Variants in ZFAT observed in about 807,000 individuals in gnomAD.
ZFAT encodes zinc finger and AT-hook domain containing.
A neutral mutation model predicts 117.7 loss-of-function variants in ZFAT; 64 were observed. The observed-to-expected ratio is 0.54, with a 90% CI of 0.44 to 0.67. The LOEUF (loss-of-function observed/expected upper bound fraction) is 0.67, where lower values mean the gene tolerates loss of function less well. Among genes scored for constraint, ZFAT ranks in the 30% least tolerant of loss-of-function variants. ZFAT has a pLI of 0.00. For synonymous variants in ZFAT, 679 were observed against 615.0 expected (o/e 1.10, Z -1.54); for missense variants, 1,433 against 1,584.5 (o/e 0.90, Z 1.62).
chr8:134,632,303 G>A (rs963335527), intron 3 of ZFAT, among the ~76,000 whole-genome samples: 11 of 152,112 alleles, frequency 7.2e-5, no homozygotes, highest in African/African-American at 2.4e-4. Context: ...TTATTATAAG[G>A]AAATAGTATA....
chr8:134,767,932 C>T, the ZFAT span, among the ~76,000 whole-genome samples: 3 of 152,156 alleles, frequency 2.0e-5, no homozygotes, highest in Non-Finnish European at 4.4e-5. Context: ...TTATTCTTCT[C>T]TCCTTCCTCT....
chr8:134,752,770 G>GGCATGCATGTGAGCCA, the ZFAT span, among the ~76,000 whole-genome samples: 204 of 152,146 alleles, frequency 1.3e-3, 1 homozygote, highest in African/African-American at 4.6e-3. Flanking sequence ...AGAGAGGGAG[G>GGCATGCATGTGAGCCA]GCATGCATGT....
intron 3 of ZFAT, among the ~76,000 whole-genome samples, chr8:134,623,752 C>T (rs1346835616): frequency 1.3e-5 from 2 of 151,982 alleles, no homozygotes; most frequent in African/African-American, 2.4e-5. Flanking sequence ...AAGGGTAGTA[C>T]TCCCCTCCTC....
chr8:134,703,239 C>A (rs1834062041), intron 1 of ZFAT, among the ~76,000 whole-genome samples: 1 of 152,168 alleles, frequency 6.6e-6, no homozygotes, highest in Non-Finnish European at 1.5e-5. Context: ...TTTGCATTTT[C>A]CTAGGAACTA....
At chr8:134,531,999 A>T (rs1468639223) in intron 12 of ZFAT, among the ~76,000 whole-genome samples, 1 of 152,268 alleles carries the variant, frequency 6.6e-6, no homozygotes, top group Non-Finnish European at 1.5e-5. Context: ...CTTAGGAAAG[A>T]AGAGCAGCTA....
At chr8:134,691,213 C>A (rs1471928063) in intron 1 of ZFAT, among the ~76,000 whole-genome samples, 1 of 152,286 alleles carries the variant, frequency 6.6e-6, no homozygotes, top group Non-Finnish European at 1.5e-5. Flanking sequence ...GCTAGTACAG[C>A]CTCAGGGTGA....
At chr8:134,713,822 C>T (rs1443567290), upstream of ZFAT, among the ~76,000 whole-genome samples, 1 of 151,978 alleles carries the variant, frequency 6.6e-6, no homozygotes, top group African/African-American at 2.4e-5. Context: ...TCTAAAGTAA[C>T]CCTCCAAGAC....
chr8:134,642,864 G>A (rs17699449), intron 2 of ZFAT, among the ~76,000 whole-genome samples: 10,551 of 152,254 alleles, frequency 0.069, 537 homozygotes, highest in Non-Finnish European at 0.1. Context: ...AAGCAATAGG[G>A]GAGACAATGA....
At chr8:134,707,495 A>G (rs1374811644) in intron 1 of ZFAT, among the ~76,000 whole-genome samples, 1 of 152,220 alleles carries the variant, frequency 6.6e-6, no homozygotes, top group East Asian at 1.9e-4. Context: ...CTCCTGAAGA[A>G]GAGGCCCACC....
chr8:134,524,049 A>T (rs1042477954), intron 12 of ZFAT, among the ~76,000 whole-genome samples: 7 of 152,172 alleles, frequency 4.6e-5, no homozygotes, highest in Non-Finnish European at 1.0e-4. Context: ...CCCGGCATCT[A>T]GCTTCTCCTC....
intron 1 of ZFAT, among the ~76,000 whole-genome samples, chr8:134,693,579 C>A (rs1833685444): frequency 6.7e-6 from 1 of 150,294 alleles, no homozygotes; most frequent in African/African-American, 2.5e-5. Flanking sequence ...ACATTGTATA[C>A]CTTACTTACA....
chr8:134,673,534 T>G (rs141525480), intron 1 of ZFAT: 11 of 200,816 alleles, frequency 5.5e-5, no homozygotes, highest in African/African-American at 2.3e-4. Flanking sequence ...TCTTGTACTT[T>G]TCTTTCTTGC....
chr8:134,565,062 G>A, intron 11 of ZFAT: 2 of 1,424,060 alleles, frequency 1.4e-6, no homozygotes, highest in Non-Finnish European at 1.9e-6. Flanking sequence ...TCACTCCAGT[G>A]CTTTTATGCA....
chr8:134,762,509 C>A, the ZFAT span, among the ~76,000 whole-genome samples: 2 of 152,166 alleles, frequency 1.3e-5, no homozygotes, highest in African/African-American at 4.8e-5. Context: ...CTTTCAGACA[C>A]CATCATCTCC....
chr8:134,512,132 C>T (rs1252248807), intron 14 of ZFAT, among the ~76,000 whole-genome samples: 1 of 152,202 alleles, frequency 6.6e-6, no homozygotes, highest in Non-Finnish European at 1.5e-5. Flanking sequence ...TAACCATTAG[C>T]CAACCATTAA....
At chr8:134,544,952 T>C (rs936004041) in intron 11 of ZFAT, among the ~76,000 whole-genome samples, 2 of 152,158 alleles carry the variant, frequency 1.3e-5, no homozygotes, top group African/African-American at 2.4e-5. Context: ...TGTGGGTGTA[T>C]GTATCTTGGA....
intron 1 of ZFAT, among the ~76,000 whole-genome samples, chr8:134,695,817 C>T (rs1384342945): frequency 6.7e-6 from 1 of 150,222 alleles, no homozygotes; most frequent in African/African-American, 2.5e-5. Flanking sequence ...CAGGCCCTGA[C>T]TGCGTCTCTA....
chr8:134,683,759 C>T (rs1228972532), intron 1 of ZFAT, among the ~76,000 whole-genome samples: 2 of 151,910 alleles, frequency 1.3e-5, no homozygotes, highest in Admixed American at 6.6e-5. Context: ...AAGCAGGAGG[C>T]CCATCCTGGA....
chr8:134,537,096 T>G (rs1396899360), intron 11 of ZFAT, among the ~76,000 whole-genome samples: 1 of 152,260 alleles, frequency 6.6e-6, no homozygotes, highest in Non-Finnish European at 1.5e-5. Flanking sequence ...TTTTTACTGA[T>G]AGCTACTATA....
Sources: gnomAD v4.1 joint callset for allele counts (sites outside exome capture counted in the v4.1 genomes callset) on GRCh38, gnomAD v4.1.1 for gene constraint, MANE v1.5 for transcripts, NCBI Gene and HGNC (gene_info 2026-07-23, HGNC 2026-07-21) for gene names.